NF1: variants seen among roughly 807,000 people sequenced by gnomAD.
The protein encoded by NF1 is neurofibromin 1.
NF1 carries 122 observed loss-of-function variants against 325.7 expected under a neutral mutation model. That is an observed-to-expected ratio of 0.37 (90% CI 0.32 to 0.44). The LOEUF (loss-of-function observed/expected upper bound fraction) is 0.44. Ranked by LOEUF, NF1 falls within the 20% of genes least tolerant of loss-of-function variation. The pLI is 1.00. For missense variants in NF1, 2,140 were observed against 3,415.4 expected (o/e 0.63, Z 9.31); for synonymous variants, 1,091 against 1,186.0 (o/e 0.92, Z 1.65).
At chr17:31,331,745 G>A (rs950562019) in intron 39 of NF1, 1 of 151,670 alleles carries the variant, frequency 6.6e-6, no homozygotes, top group Non-Finnish European at 1.5e-5. Context: ...GAGTAGGGCT[G>A]TGTGTGGTGG....
At chr17:31,239,444 G>T (rs1342412122) in intron 29 of NF1, among the ~76,000 whole-genome samples, 1 of 151,754 alleles carries the variant, frequency 6.6e-6, no homozygotes, top group East Asian at 1.9e-4. Context: ...TTTAATAAAA[G>T]CAGTTGCTTA....
At position 31,375,773 on chromosome 17, in the gene NF1, T is replaced by C. The variant is rs2070723490; in HGVS notation, c.*1618T>C. 4.3e-6 allele frequency: 1 copy of C among 232,496 alleles called. No homozygotes were observed. Among genetic ancestry groups the C allele is most frequent in the South Asian group, 1.8e-4 (1 of 5,526 alleles). 14.4% of individuals were successfully genotyped at this position (232,496 alleles called of 1,614,324 possible). A position where few individuals can be genotyped will look rare whatever the true frequency, so the allele number is the denominator to read the frequency against. On this transcript the variant is annotated 3_prime_UTR_variant, in exon 58 of 58. Transcript: ENST00000358273. Reference sequence around the variant, plus strand: ...ATTTTAATAATATATTTCACATTTATCCACACAGTAACAATGTAATATGTT... The same window carrying C: ...ATTTTAATAATATATTTCACATTTACCCACACAGTAACAATGTAATATGTT...
In NF1 at chr17:31,320,514, CT is replaced by C. The variant is rs1344737340; in HGVS notation, c.4836-5305del. On this transcript the variant is annotated intron_variant, in intron 36 of 57. Coordinates refer to ENST00000358273, the MANE Select transcript of NF1 (RefSeq NM_001042492.3). The stretch of plus-strand genomic sequence containing the variant: ...TATGTCATTGGCTGACATTTGTATA[CT>C]ATTAAAATACAGAAATTGAAAATAA... 4.1e-6 allele frequency: 5 copies of C among 1,212,026 alleles called. No homozygotes were observed. In the East Asian group the frequency reaches 1.2e-4, roughly 29 times the overall value. The allele number at this position is 1,212,026 out of a possible 1,614,324, so 75.1% of individuals were successfully genotyped here.
intron 57 of NF1, among the ~76,000 whole-genome samples, chr17:31,367,940 C>T (rs1198182886): frequency 6.6e-6 from 1 of 151,204 alleles, no homozygotes; most frequent in Non-Finnish European, 1.5e-5. Context: ...CAGAGCAATA[C>T]TCTGTCTCAC....
chr17:31,175,408 G>A (rs1034629196), intron 5 of NF1, among the ~76,000 whole-genome samples: 3 of 128,254 alleles, frequency 2.3e-5, no homozygotes, highest in African/African-American at 8.8e-5. Context: ...GGCATGCAGT[G>A]ACATGATTAT....
rs2143878286 is a variant in NF1 at position 31,201,027 on chromosome 17, G to A, written c.1063-10G>A. ...TTAAAGGCTTTTGTTTTCTGTTGGGGTTTTTATAGAACCTGCTTTTTAATC... is the reference window on the plus strand; with the variant it reads ...TTAAAGGCTTTTGTTTTCTGTTGGGATTTTTATAGAACCTGCTTTTTAATC... On this transcript the variant is annotated splice_polypyrimidine_tract_variant and intron_variant, in intron 9 of 57. Transcript: ENST00000358273. The A allele has an allele frequency of 2.5e-6, 4 of 1,612,992 alleles. No individual in the cohort carries two copies. Among genetic ancestry groups the A allele is most frequent in the Non-Finnish European group, 3.4e-6 (4 of 1,179,896 alleles).
Position 31,335,291 on chromosome 17 carries a change from T to A in NF1, c.6006+260T>A, listed in dbSNP as rs921748599. Among the ~76,000 whole-genome samples the A allele has an allele frequency of 7.7e-5, 3 of 38,854 alleles. 1 individual carries two copies. Among genetic ancestry groups the A allele is most frequent in the Non-Finnish European group, 2.2e-4 (2 of 9,140 alleles). The allele number at this position is 38,854 out of a possible 152,430, so 25.5% of individuals were successfully genotyped here. A position where few individuals can be genotyped will look rare whatever the true frequency, so the allele number is the denominator to read the frequency against. Reference sequence around the variant, plus strand: ...AGGCATAATTATATATATATATATATATATAATTATGCCTTGAAGGAGACT... The same window carrying A: ...AGGCATAATTATATATATATATATAAATATAATTATGCCTTGAAGGAGACT... On this transcript the variant is annotated intron_variant, in intron 40 of 57. Coordinates refer to ENST00000358273, the MANE Select transcript of NF1 (RefSeq NM_001042492.3).
intron 36 of NF1, among the ~76,000 whole-genome samples, chr17:31,293,453 A>G (rs1365888039): frequency 6.6e-6 from 1 of 152,180 alleles, no homozygotes; most frequent in East Asian, 1.9e-4. Flanking sequence ...ACAGTGAGCC[A>G]ATCAGGTTTG....
intron 1 of NF1, among the ~76,000 whole-genome samples, chr17:31,129,214 T>C (rs932894017): frequency 3.3e-5 from 5 of 152,194 alleles, no homozygotes; most frequent in African/African-American, 9.7e-5. Flanking sequence ...ATGAATGATA[T>C]CCTGAAATAT....
chr17:31,225,009 C>G lies in NF1; in HGVS notation c.1846-86C>G, dbSNP rs2066987441. The G allele has an allele frequency of 2.0e-6, 3 of 1,477,580 alleles. No homozygotes were observed. The South Asian group carries it at 3.4e-5, about 17-fold the overall frequency. The allele number at this position is 1,477,580 out of a possible 1,614,324, so 91.5% of individuals were successfully genotyped here. ...GAGAGGAGAGGTTTTTTAGGAGAGT[C>G]TCAAACAGGAAGACAACTCAAATAA... On this transcript the variant is annotated intron_variant, in intron 16 of 57. Coordinates refer to ENST00000358273, the MANE Select transcript of NF1 (RefSeq NM_001042492.3).
At chr17:31,206,111 GGT>G (rs1445690083) in intron 11 of NF1, 127 bp from the exon 12 acceptor site, 4 of 912,954 alleles carry the variant, frequency 4.4e-6, no homozygotes, top group Non-Finnish European at 7.2e-6. Context: ...TGGAAATCAT[GGT>G]GTGTGTTTGC....
At chr17:31,273,817 C>G (rs934794384) in intron 36 of NF1, among the ~76,000 whole-genome samples, 2 of 152,130 alleles carry the variant, frequency 1.3e-5, no homozygotes, top group African/African-American at 4.8e-5. Flanking sequence ...AATCTGCTTG[C>G]TAATTTAAAG....
At chr17:31,280,247 C>A (rs987145035) in intron 36 of NF1, among the ~76,000 whole-genome samples, 17 of 149,720 alleles carry the variant, frequency 1.1e-4, no homozygotes, top group African/African-American at 4.2e-4. Flanking sequence ...AATGTAAGAA[C>A]CCACACCTGT....
intron 12 of NF1, among the ~76,000 whole-genome samples, chr17:31,210,296 G>A (rs1045100719): frequency 1.3e-5 from 2 of 152,224 alleles, no homozygotes; most frequent in South Asian, 4.2e-4. Context: ...CAAAATCCTC[G>A]TACAGGCCGG....
chr17:31,169,897 G>A lies in NF1; in HGVS notation c.486G>A (p.Gln162=), dbSNP rs1555607076. 6.3e-7 allele frequency: 1 copy of A among 1,599,210 alleles called. No individual in the cohort carries two copies. ...TTTGGTTTTTACTTTTTAGGTTACA[G>A]GAATTAACTGTTTGTTCAGAAGACA... ...AVFSRISTRL[Q]ELTVCSEDNV... The change falls in exon 5 of 58, where the codon CAG becomes CAA. Residue 162 remains glutamine (Q), a synonymous_variant. Coordinates refer to ENST00000358273, the MANE Select transcript of NF1 (RefSeq NM_001042492.3).
intron 36 of NF1, chr17:31,313,914 G>T: frequency 2.5e-6 from 1 of 396,408 alleles, no homozygotes; most frequent in South Asian, 1.3e-4. Flanking sequence ...AAACACTAAT[G>T]ACAGTTTTTA....
At chr17:31,303,532 GTCT>G (rs979161045) in intron 36 of NF1, among the ~76,000 whole-genome samples, 1 of 151,950 alleles carries the variant, frequency 6.6e-6, no homozygotes, top group Admixed American at 6.6e-5. Flanking sequence ...TGAAGCCATA[GTCT>G]TCTTTTCCTT....
chr17:31,336,380 T>TA lies in NF1; in HGVS notation c.6054_6055insA (p.Ala2019SerfsTer11). ...TACTAGACAGTTTCATCAAAACCAG[T>TA]GCAACAGGTGGCTTGGGATCAATAA... On this transcript the variant is annotated frameshift_variant, in exon 41 of 58. Transcript: ENST00000358273. LOFTEE classifies it high-confidence loss of function. The surrounding 1 kb of genome is among the most constrained non-coding windows in gnomAD (Gnocchi z 5.5). 1 of 1,614,102 alleles carries TA rather than the reference T, an allele frequency of 6.2e-7. No homozygotes were observed. Among genetic ancestry groups the TA allele is most frequent in the Non-Finnish European group, 8.5e-7 (1 of 1,179,986 alleles).
chr17:31,357,112 G>A lies in NF1; in HGVS notation c.7869+22G>A, dbSNP rs201586121. 3.4e-4 allele frequency: 548 copies of A among 1,612,378 alleles called. 3 individuals carry two copies. In the Middle Eastern group the frequency reaches 9.4e-3, roughly 28 times the overall value. Reference sequence around the variant, plus strand: ...TCTAGTAAGGATTTCCCCTTTTTGAGTCCCCCACCCTCAAATTTTTATTCC... The same window carrying A: ...TCTAGTAAGGATTTCCCCTTTTTGAATCCCCCACCCTCAAATTTTTATTCC... On this transcript the variant is annotated intron_variant, in intron 53 of 57. Coordinates refer to ENST00000358273, the MANE Select transcript of NF1 (RefSeq NM_001042492.3).
Sources: gnomAD v4.1 joint callset for allele counts (sites outside exome capture counted in the v4.1 genomes callset) on GRCh38, gnomAD v4.1.1 for gene constraint, Gnocchi (gnomAD v3.1) non-coding constraint, MANE v1.5 for transcripts, NCBI Gene and HGNC (gene_info 2026-07-23, HGNC 2026-07-21) for gene names.